The following LRP2BP variants were observed in gnomAD, a reference collection of about 807,000 sequenced individuals.
LRP2BP encodes LRP2-binding protein.
Under a neutral mutation model 45.2 loss-of-function variants are expected in LRP2BP, and 38 were observed. The observed-to-expected ratio is 0.84, with a 90% CI of 0.65 to 1.10. LRP2BP has a LOEUF of 1.10. Ranked by LOEUF, LRP2BP falls within the 50% of genes least tolerant of loss-of-function variation. The pLI is 0.00. For missense variants in LRP2BP, 385 were observed against 418.9 expected, an observed-to-expected ratio of 0.92 and a Z score of 0.71; for synonymous variants, 153 against 153.9, an observed-to-expected ratio of 0.99 and a Z score of 0.04.
chr4:185,394,684 A>T (rs1186160747), intron 1 of LRP2BP, 95 bp downstream of exon 1: 1 of 882,226 alleles, frequency 1.1e-6, no homozygotes, highest in African/African-American at 1.8e-5. Flanking sequence ...GATATTTTAC[A>T]CTTCTTAGAA....
Position 185,374,359 on chromosome 4 carries a change from C to T in LRP2BP, c.433G>A (p.Glu145Lys). 6.2e-7 allele frequency: 1 copy of T among 1,614,152 alleles called. No individual in the cohort carries two copies. Among genetic ancestry groups the T allele is most frequent in the Non-Finnish European group, 8.5e-7 (1 of 1,180,022 alleles). The change falls in exon 5 of 9, where the codon GAA becomes AAA. Residue 145 changes from glutamate to lysine, a missense_variant. Glu to Lys is a moderately conservative substitution (Grantham distance 56). Coordinates refer to ENST00000505916, the MANE Select transcript of LRP2BP (RefSeq NM_001377440.1). ...AAYNLGRAYY[E>K]GKGVKRSNEE... ...TTTGATCGTTTAACACCTTTTCCTT[C>T]ATAATAAGCTCTTCCGAGGTTGTAA...
intron 1 of LRP2BP, among the ~76,000 whole-genome samples, chr4:185,394,448 C>T (rs1479355039): frequency 6.6e-6 from 1 of 152,136 alleles, no homozygotes; most frequent in Non-Finnish European, 1.5e-5. Flanking sequence ...AATGGATCTC[C>T]CTAAGCCTCA....
rs536292268 is a variant in LRP2BP at position 185,373,495 on chromosome 4, G to A, written c.580-416C>T. Among the ~76,000 whole-genome samples, 17 of 152,316 alleles carry A rather than the reference G, an allele frequency of 1.1e-4. No homozygotes were observed. The South Asian group carries it at 2.9e-3, about 26-fold the overall frequency. On this transcript the variant is annotated intron_variant, in intron 6 of 8. Coordinates refer to ENST00000505916, the MANE Select transcript of LRP2BP (RefSeq NM_001377440.1). ...GGATTCTAGAGATAGCAGCTGCTGC[G>A]ATCAAAGACAACCCAGGATAAACGC...
intron 6 of LRP2BP, among the ~76,000 whole-genome samples, chr4:185,373,630 T>A (rs2095423658): frequency 1.3e-5 from 2 of 152,250 alleles, no homozygotes; most frequent in South Asian, 2.1e-4. Context: ...TTAGTTGTTA[T>A]GTGTCTCTTG....
In LRP2BP at chr4:185,395,232, A is replaced by G. The variant is rs150668343; in HGVS notation, c.-475T>C. The G allele has an allele frequency of 7.1e-6, 7 of 985,454 alleles. No individual in the cohort carries two copies. In the African/African-American group the frequency reaches 1.0e-4, roughly 15 times the overall value. 61.0% of individuals were successfully genotyped at this position (985,454 alleles called of 1,614,324 possible). A position where few individuals can be genotyped will look rare whatever the true frequency, so the allele number is the denominator to read the frequency against. On this transcript the variant is annotated 5_prime_UTR_variant, in exon 1 of 9. It removes an upstream start codon present in the reference 5' UTR. Transcript: ENST00000505916. ...TTAAAAAATAACTACCACTTAATGC[A>G]TACTGAACAGAATCTTGTTTCAAAG...
intron 1 of LRP2BP, among the ~76,000 whole-genome samples, chr4:185,379,726 G>A (rs1023048913): frequency 1.3e-5 from 2 of 152,216 alleles, no homozygotes; most frequent in African/African-American, 2.4e-5. Flanking sequence ...AAGGGACAGT[G>A]GGGAAGTTAA....
upstream of LRP2BP, chr4:185,397,142 T>C (rs762842421): frequency 9.3e-6 from 15 of 1,613,072 alleles, no homozygotes; most frequent in Non-Finnish European, 1.3e-5. Context: ...TCTGTTCTCT[T>C]CCTGCAGGTG....
intron 1 of LRP2BP, among the ~76,000 whole-genome samples, chr4:185,379,520 T>C (rs1039269179): frequency 6.6e-6 from 1 of 152,220 alleles, no homozygotes; most frequent in African/African-American, 2.4e-5. Context: ...CCTTTTGTGG[T>C]TAGAAGACTG....
intron 4 of LRP2BP, among the ~76,000 whole-genome samples, chr4:185,374,667 G>C (rs2095427258): frequency 6.6e-6 from 1 of 152,120 alleles, no homozygotes; most frequent in Non-Finnish European, 1.5e-5. Flanking sequence ...TCCTACTCAG[G>C]CACTCCCAGG....
rs1348248577 is a variant in LRP2BP, at chr4:185,367,154, T to A, written c.*26A>T. ...ACACATTGTGAGGTGTTAGCATTGA[T>A]GATCTTTGTTGAAATACATTGTGGT... On this transcript the variant is annotated 3_prime_UTR_variant, in exon 9 of 9. Transcript: ENST00000505916. 4.4e-6 allele frequency: 7 copies of A among 1,589,698 alleles called. No homozygotes were observed. Among genetic ancestry groups the A allele is most frequent in the Non-Finnish European group, 6.0e-6 (7 of 1,160,676 alleles).
At chr4:185,397,060 T>C, upstream of LRP2BP, 1 of 1,610,346 alleles carries the variant, frequency 6.2e-7, no homozygotes. Flanking sequence ...TGGTCAGAGC[T>C]GGTTGTGAAG....
intron 1 of LRP2BP, among the ~76,000 whole-genome samples, chr4:185,386,700 A>C (rs2095472764): frequency 6.6e-6 from 1 of 152,134 alleles, no homozygotes. Flanking sequence ...TGACCCCTGG[A>C]CCTTAAGAGA....
chr4:185,377,987 A>G, intron 2 of LRP2BP, 94 bp downstream of exon 2: 4 of 1,046,924 alleles, frequency 3.8e-6, no homozygotes, highest in South Asian at 1.5e-5. Context: ...CTTGAAATCA[A>G]TAAAACACAT....
upstream of LRP2BP, chr4:185,396,653 CT>C: frequency 2.0e-6 from 1 of 505,538 alleles, no homozygotes; most frequent in Non-Finnish European, 3.5e-6. Flanking sequence ...CGCCCGCCCC[CT>C]CCCCCTGCCC....
At chr4:185,379,237 C>T (rs1021533542) in intron 1 of LRP2BP, among the ~76,000 whole-genome samples, 3 of 152,192 alleles carry the variant, frequency 2.0e-5, no homozygotes, top group African/African-American at 7.2e-5. Flanking sequence ...TTATGGTTGC[C>T]TTTAGTGAAT....
Position 185,395,514 on chromosome 4 carries a change from C to T in LRP2BP, c.-757G>A, listed in dbSNP as rs1304493346. 1 of 985,058 alleles carries T rather than the reference C, an allele frequency of 1.0e-6. No individual in the cohort carries two copies. The highest frequency in any genetic ancestry group is 1.7e-5 in the African/African-American group (1 of 57,242). 61.0% of individuals were successfully genotyped at this position (985,058 alleles called of 1,614,324 possible). A position where few individuals can be genotyped will look rare whatever the true frequency, so the allele number is the denominator to read the frequency against. On this transcript the variant is annotated 5_prime_UTR_variant, in exon 1 of 9. Coordinates refer to ENST00000505916, the MANE Select transcript of LRP2BP (RefSeq NM_001377440.1). The stretch of plus-strand genomic sequence containing the variant: ...CACAAATCTGACAACAGTATCTCTA[C>T]ACTGCCGTTCTTTAAACATCATTAA...
chr4:185,376,372 G>T (rs2095437559), intron 3 of LRP2BP, among the ~76,000 whole-genome samples: 1 of 152,106 alleles, frequency 6.6e-6, no homozygotes, highest in Middle Eastern at 3.4e-3. Flanking sequence ...CTGCCTCCTG[G>T]GTTCAAGCGA....
At chr4:185,385,274 G>A (rs1235791136) in intron 1 of LRP2BP, among the ~76,000 whole-genome samples, 4 of 151,988 alleles carry the variant, frequency 2.6e-5, no homozygotes, top group African/African-American at 4.8e-5. Flanking sequence ...CTCTGGAGCC[G>A]ATACTGTTAC....
chr4:185,395,467 C>A lies in LRP2BP; in HGVS notation c.-710G>T. The A allele has an allele frequency of 1.0e-6, 1 of 985,294 alleles. No individual in the cohort carries two copies. The highest frequency in any genetic ancestry group is 1.2e-6 in the Non-Finnish European group (1 of 829,806). The allele number at this position is 985,294 out of a possible 1,614,324, so 61.0% of individuals were successfully genotyped here. A position where few individuals can be genotyped will look rare whatever the true frequency, so the allele number is the denominator to read the frequency against. ...AATTGATAAACAAAAGCGAAACTGGCAATATCAACGTGTGCTCACCTCACA... is the reference window on the plus strand; with the variant it reads ...AATTGATAAACAAAAGCGAAACTGGAAATATCAACGTGTGCTCACCTCACA... On this transcript the variant is annotated 5_prime_UTR_variant, in exon 1 of 9. Transcript: ENST00000505916.
Sources: gnomAD v4.1 joint callset for allele counts (sites outside exome capture counted in the v4.1 genomes callset) on GRCh38, gnomAD v4.1.1 for gene constraint, MANE v1.5 for transcripts, NCBI Gene and HGNC (gene_info 2026-07-23, HGNC 2026-07-21) for gene names.